HS3ST3B1: variants seen among roughly 807,000 people sequenced by gnomAD.
HS3ST3B1 encodes the protein heparan sulfate glucosamine 3-O-sulfotransferase 3B1.
A neutral mutation model predicts 21.3 loss-of-function variants in HS3ST3B1; 13 were observed. The observed-to-expected ratio is 0.61, with a 90% CI of 0.40 to 0.97. The LOEUF (loss-of-function observed/expected upper bound fraction) is 0.97. HS3ST3B1 is among the 50% of genes least tolerant of loss of function. The pLI is 0.00. For missense variants in HS3ST3B1, 459 were observed against 554.8 expected (o/e 0.83, Z 1.73); for synonymous variants, 234 against 254.8 (o/e 0.92, Z 0.78).
intron 1 of HS3ST3B1, among the ~76,000 whole-genome samples, chr17:14,311,557 T>C (rs67497521): frequency 0.2 from 30,314 of 152,160 alleles, 3,064 homozygotes; most frequent in Middle Eastern, 0.28. Context: ...TCAGGGTCCG[T>C]AGGTTTACAT....
At position 14,326,647 on chromosome 17, in the gene HS3ST3B1, C is replaced by T. The variant is rs914324973; in HGVS notation, c.555-18381C>T. Among the ~76,000 whole-genome samples the T allele has an allele frequency of 5.3e-4, 81 of 151,934 alleles. 1 individual carries two copies. Among genetic ancestry groups the T allele is most frequent in the Admixed American group, 5.3e-3 (81 of 15,236 alleles). On this transcript the variant is annotated intron_variant, in intron 1 of 1. Coordinates refer to ENST00000360954, the MANE Select transcript of HS3ST3B1 (RefSeq NM_006041.3). ...CTACTCTTGGGGCAGGCTCAGGGGC[C>T]GTGGCTCACGCCTGTAATCCCAGCA...
At chr17:14,342,733 CA>C (rs1345166697) in intron 1 of HS3ST3B1, among the ~76,000 whole-genome samples, 2 of 152,138 alleles carry the variant, frequency 1.3e-5, no homozygotes, top group African/African-American at 4.8e-5. Context: ...TTCAAAGTGA[CA>C]TAACTTATAA....
chr17:14,304,225 C>G (rs1384886572), intron 1 of HS3ST3B1: 4 of 152,170 alleles, frequency 2.6e-5, no homozygotes, highest in African/African-American at 4.8e-5. Flanking sequence ...TCCTCCCGAG[C>G]CATCTCCCTG....
At chr17:14,306,715 G>C (rs1360716450) in intron 1 of HS3ST3B1, among the ~76,000 whole-genome samples, 1 of 152,148 alleles carries the variant, frequency 6.6e-6, no homozygotes. Context: ...TCTTCACTGA[G>C]GGAAATTTAA....
At chr17:14,334,174 A>G (rs1242840994) in intron 1 of HS3ST3B1, among the ~76,000 whole-genome samples, 1 of 152,204 alleles carries the variant, frequency 6.6e-6, no homozygotes, top group East Asian at 1.9e-4. Context: ...GGCAAAGAGA[A>G]TGACAAAAGT....
chr17:14,322,898 C>CTTTTTTTTT (rs34065582), intron 1 of HS3ST3B1, among the ~76,000 whole-genome samples: 6 of 94,586 alleles, frequency 6.3e-5, no homozygotes, highest in Non-Finnish European at 1.3e-4. Flanking sequence ...GTGTCTATGT[C>CTTTTTTTTT]TTTTTTTTTT....
chr17:14,305,796 C>T (rs1362153859), intron 1 of HS3ST3B1, among the ~76,000 whole-genome samples: 1 of 152,024 alleles, frequency 6.6e-6, no homozygotes, highest in Non-Finnish European at 1.5e-5. Flanking sequence ...TAACACTTAC[C>T]GAATGTTTTC....
rs1008845069 is a variant in HS3ST3B1, at chr17:14,303,569, C to T, written c.554+1497C>T. On this transcript the variant is annotated intron_variant, in intron 1 of 1. Transcript: ENST00000360954. The surrounding 1 kb of genome is among the most constrained non-coding windows in gnomAD (Gnocchi z 5.7). ...CTCTGGAGTCCGACGCCTGGATTCA[C>T]GTCCTGGCTAGTCGCGTGAACCTTG... Among the ~76,000 whole-genome samples the T allele has an allele frequency of 1.3e-5, 2 of 152,184 alleles. No homozygotes were observed. The highest frequency in any genetic ancestry group is 2.9e-5 in the Non-Finnish European group (2 of 68,040).
chr17:14,319,185 C>T (rs1909585202), intron 1 of HS3ST3B1, among the ~76,000 whole-genome samples: 1 of 152,214 alleles, frequency 6.6e-6, no homozygotes, highest in Non-Finnish European at 1.5e-5. Flanking sequence ...TAGTGGTGGA[C>T]TTAGATTCTG....
At chr17:14,323,275 C>A (rs1346996790) in intron 1 of HS3ST3B1, among the ~76,000 whole-genome samples, 1 of 152,192 alleles carries the variant, frequency 6.6e-6, no homozygotes, top group East Asian at 1.9e-4. Flanking sequence ...CTCCACAACT[C>A]ATAAAAGCTC....
chr17:14,316,254 G>T (rs1179211707), intron 1 of HS3ST3B1, among the ~76,000 whole-genome samples: 1 of 152,200 alleles, frequency 6.6e-6, no homozygotes, highest in African/African-American at 2.4e-5. Context: ...GGCCCCAGAT[G>T]ATTGCTGCAA....
intron 1 of HS3ST3B1, among the ~76,000 whole-genome samples, chr17:14,332,321 C>A (rs367807384): frequency 6.6e-6 from 1 of 152,070 alleles, no homozygotes; most frequent in Admixed American, 6.5e-5. Flanking sequence ...GACCTTGCGG[C>A]CTACTCTTTC....
rs532749265 is a variant in HS3ST3B1 at position 14,309,440 on chromosome 17, G to A, written c.554+7368G>A. On this transcript the variant is annotated intron_variant, in intron 1 of 1. Coordinates refer to ENST00000360954, the MANE Select transcript of HS3ST3B1 (RefSeq NM_006041.3). Reference sequence around the variant, plus strand: ...GCCTGGCTGAGCGGCCCGCGCTAGAGGTGGGCGGTGCCGGCGGGACCCGTC... The same window carrying A: ...GCCTGGCTGAGCGGCCCGCGCTAGAAGTGGGCGGTGCCGGCGGGACCCGTC... 1.2e-3 allele frequency among the ~76,000 whole-genome samples: 188 copies of A among 152,340 alleles called. 1 individual carries two copies. Among genetic ancestry groups the A allele is most frequent in the Non-Finnish European group, 1.5e-3 (104 of 68,028 alleles).
intron 1 of HS3ST3B1, among the ~76,000 whole-genome samples, chr17:14,302,534 G>C (rs1908970839): frequency 6.6e-6 from 1 of 152,186 alleles, no homozygotes; most frequent in Non-Finnish European, 1.5e-5. Flanking sequence ...GATGGGGAGA[G>C]GGGGTGGGGG....
At chr17:14,312,607 T>C (rs1487590117) in intron 1 of HS3ST3B1, among the ~76,000 whole-genome samples, 1 of 152,152 alleles carries the variant, frequency 6.6e-6, no homozygotes, top group Non-Finnish European at 1.5e-5. Flanking sequence ...AGCACTTTCC[T>C]GCCATCCCTG....
chr17:14,305,635 G>GT lies in HS3ST3B1; in HGVS notation c.554+3564dup, dbSNP rs1351849492. The GT allele has an allele frequency of 2.6e-5, 4 of 152,272 alleles. No individual in the cohort carries two copies. In the East Asian group the frequency reaches 7.7e-4, roughly 29 times the overall value. The allele number at this position is 152,272 out of a possible 1,614,324, so 9.4% of individuals were successfully genotyped here. A position where few individuals can be genotyped will look rare whatever the true frequency, so the allele number is the denominator to read the frequency against. ...GTTATACAAAAATATGCCTTAGACT[G>GT]TACAGCGGCAGAAACTCCCTCTACC... On this transcript the variant is annotated intron_variant, in intron 1 of 1. Coordinates refer to ENST00000360954, the MANE Select transcript of HS3ST3B1 (RefSeq NM_006041.3).
chr17:14,332,450 G>T (rs1427202719), intron 1 of HS3ST3B1, among the ~76,000 whole-genome samples: 1 of 151,882 alleles, frequency 6.6e-6, no homozygotes, highest in Non-Finnish European at 1.5e-5. Flanking sequence ...CAGCTTGGAA[G>T]TTTGCTTCTT....
rs1355713030 is a variant in HS3ST3B1, at chr17:14,345,275, T to C, written c.802T>C (p.Trp268Arg). The change falls in exon 2 of 2, where the codon TGG becomes CGG. Residue 268 changes from tryptophan to arginine, a missense_variant. Physicochemically the swap from Trp to Arg is moderately radical, Grantham distance 101 (BLOSUM62 -3). Around this residue, in one of 3 missense-constraint regions of HS3ST3B1, gnomAD observed 127 missense variants for 209.9 expected, o/e 0.60. Coordinates refer to ENST00000360954, the MANE Select transcript of HS3ST3B1 (RefSeq NM_006041.3). ...GACAGCGGGCCTCATCGACACGTCG[T>C]GGAGCGCCATCCAGATCGGCATCTA... The part of the protein sequence containing the change: ...NRTAGLIDTS[W>R]SAIQIGIYAK... The C allele has an allele frequency of 8.2e-7, 1 of 1,212,512 alleles. No homozygotes were observed. Among genetic ancestry groups the C allele is most frequent in the East Asian group, 2.5e-5 (1 of 39,684 alleles). The allele number at this position is 1,212,512 out of a possible 1,614,324, so 75.1% of individuals were successfully genotyped here.
chr17:14,321,161 T>C (rs934537918), intron 1 of HS3ST3B1, among the ~76,000 whole-genome samples: 13 of 152,224 alleles, frequency 8.5e-5, no homozygotes, highest in Admixed American at 3.9e-4. Context: ...CCAGGATTGC[T>C]CACTCATCAG....
Sources: allele counts gnomAD v4.1 joint callset (sites outside exome capture counted in the v4.1 genomes callset), GRCh38; gene constraint gnomAD v4.1.1; regional missense constraint gnomAD v4.1.1; non-coding constraint Gnocchi (gnomAD v3.1); transcripts MANE v1.5; gene names NCBI Gene and HGNC (gene_info 2026-07-23, HGNC 2026-07-21).